Variants in SH3PXD2B observed in about 807,000 individuals in gnomAD.
SH3PXD2B encodes SH3 and PX domain-containing protein 2B.
A neutral mutation model predicts 73.1 loss-of-function variants in SH3PXD2B; 37 were observed. The ratio of observed to expected loss-of-function variants is 0.51; its 90% CI spans 0.39 to 0.67. The LOEUF is 0.67. SH3PXD2B is among the 30% of genes least tolerant of loss of function. SH3PXD2B has a pLI of 0.00. For missense variants in SH3PXD2B, 1,053 were observed against 1,197.8 expected (o/e 0.88, Z 1.78); for synonymous variants, 457 against 480.5 (o/e 0.95, Z 0.64).
At chr5:172,407,019 A>G (rs1415682919) in intron 2 of SH3PXD2B, among the ~76,000 whole-genome samples, 1 of 152,190 alleles carries the variant, frequency 6.6e-6, no homozygotes, top group African/African-American at 2.4e-5. Flanking sequence ...TATCTCTGAA[A>G]GCTTCAGGGA....
chr5:172,394,678 C>G, intron 3 of SH3PXD2B, 39 bp from the exon 4 acceptor site: 1 of 1,607,702 alleles, frequency 6.2e-7, no homozygotes, highest in Non-Finnish European at 8.5e-7. Context: ...TGTCAGGGAA[C>G]AGGGACAAGC....
intron 1 of SH3PXD2B, among the ~76,000 whole-genome samples, chr5:172,437,309 C>T (rs981560054): frequency 1.3e-5 from 2 of 152,150 alleles, no homozygotes; most frequent in African/African-American, 4.8e-5. Flanking sequence ...AGCTTTGTGT[C>T]CAACATCTGG....
intron 3 of SH3PXD2B, 84 bp from the exon 4 acceptor site, chr5:172,394,723 T>G: frequency 4.3e-4 from 628 of 1,459,668 alleles, no homozygotes; most frequent in Non-Finnish European, 5.6e-4. Context: ...ACATGGCGGT[T>G]CCTAGGGTAG....
chr5:172,358,722 G>A (rs769795386), intron 8 of SH3PXD2B, 51 bp downstream of exon 8: 23 of 1,527,920 alleles, frequency 1.5e-5, no homozygotes, highest in Admixed American at 1.8e-5. Flanking sequence ...CAGTATAGGC[G>A]ATGACTGCAC....
intron 4 of SH3PXD2B, among the ~76,000 whole-genome samples, chr5:172,384,771 G>T (rs1247922408): frequency 6.6e-6 from 1 of 152,170 alleles, no homozygotes; most frequent in Non-Finnish European, 1.5e-5. Context: ...GGACACTTGG[G>T]TTGCCAACCC....
Position 172,339,896 on chromosome 5 carries a change from A to G in SH3PXD2B, c.1209T>C (p.Ser403=), listed in dbSNP as rs1756814904. ...LKVEVIEKNL[S]GWWYIQIEDK... is the part of the protein sequence containing the mutation. ...CTTCAATCTGAATGTACCACCAGCC[A>G]CTCAAGTTTTTCTCGATCACCTGCA... The change falls in exon 13 of 13, where the codon AGT becomes AGC. Residue 403 remains serine (S), a synonymous_variant. Transcript: ENST00000311601. The surrounding 1 kb of genome is among the most constrained non-coding windows in gnomAD (Gnocchi z 6.1). 2 of 1,614,142 alleles carry G rather than the reference A, an allele frequency of 1.2e-6. No individual in the cohort carries two copies. The highest frequency in any genetic ancestry group is 2.2e-5 in the South Asian group (2 of 91,078).
intron 3 of SH3PXD2B, among the ~76,000 whole-genome samples, chr5:172,399,900 T>C (rs1473683165): frequency 6.6e-6 from 1 of 151,538 alleles, no homozygotes; most frequent in Non-Finnish European, 1.5e-5. Flanking sequence ...CCTGGATAGA[T>C]GTTCCTGCAG....
At chr5:172,390,135 A>G (rs1328759612) in intron 4 of SH3PXD2B, among the ~76,000 whole-genome samples, 4 of 152,220 alleles carry the variant, frequency 2.6e-5, no homozygotes, top group African/African-American at 9.6e-5. Flanking sequence ...AATCACCACA[A>G]TCTAGTTTCA....
intron 1 of SH3PXD2B, among the ~76,000 whole-genome samples, chr5:172,441,377 G>A (rs918040244): frequency 2.6e-5 from 4 of 152,228 alleles, no homozygotes; most frequent in African/African-American, 9.6e-5. Context: ...GGGCCAGCAG[G>A]GCGTTATCAC....
chr5:172,383,261 C>T (rs1416291831), intron 4 of SH3PXD2B, among the ~76,000 whole-genome samples: 2 of 152,196 alleles, frequency 1.3e-5, no homozygotes, highest in African/African-American at 4.8e-5. Context: ...TGAAACAGAT[C>T]TTCCACTGGC....
rs1581267555 is a variant in SH3PXD2B at position 172,350,739 on chromosome 5, T to C, written c.786-150A>G. 1.9e-5 allele frequency: 14 copies of C among 750,524 alleles called. No homozygotes were observed. The East Asian group carries it at 3.5e-4, about 19-fold the overall frequency. 46.5% of individuals were successfully genotyped at this position (750,524 alleles called of 1,614,324 possible). On this transcript the variant is annotated intron_variant, in intron 9 of 12. Transcript: ENST00000311601. ...GCAAGAGGTTGGCACACACTGTGCA[T>C]TTCCTCTTGATGATGCCTAAGCCCT...
rs531574512 is a variant in SH3PXD2B, at chr5:172,337,496, G to C, written c.*873C>G. Reference sequence around the variant, plus strand: ...AAGTACAGTGTTTGGCACCCACGAGGCACTCAGCAAAGGGGTGCTCACAAG... The same window carrying C: ...AAGTACAGTGTTTGGCACCCACGAGCCACTCAGCAAAGGGGTGCTCACAAG... On this transcript the variant is annotated 3_prime_UTR_variant, in exon 13 of 13. Coordinates refer to ENST00000311601, the MANE Select transcript of SH3PXD2B (RefSeq NM_001017995.3). 4.0e-5 allele frequency: 39 copies of C among 985,454 alleles called. No individual in the cohort carries two copies. In the South Asian group the frequency reaches 1.5e-3, roughly 38 times the overall value. 61.0% of individuals were successfully genotyped at this position (985,454 alleles called of 1,614,324 possible).
At chr5:172,391,427 GA>G (rs2113392784) in intron 4 of SH3PXD2B, among the ~76,000 whole-genome samples, 1 of 152,148 alleles carries the variant, frequency 6.6e-6, no homozygotes, top group African/African-American at 2.4e-5. Context: ...TCAGATATAT[GA>G]TTAACAAATA....
intron 6 of SH3PXD2B, among the ~76,000 whole-genome samples, chr5:172,363,960 T>C (rs1443552596): frequency 2.6e-5 from 4 of 151,894 alleles, no homozygotes; most frequent in Non-Finnish European, 5.9e-5. Flanking sequence ...CTGGTAGACA[T>C]GAAGATGTCA....
rs1262636786 is a variant in SH3PXD2B at position 172,366,932 on chromosome 5, A to ATTT, written c.428-4066_428-4064dup. 1.1e-3 allele frequency among the ~76,000 whole-genome samples: 81 copies of ATTT among 75,074 alleles called. 2 individuals are homozygous for ATTT. Among genetic ancestry groups the ATTT allele is most frequent in the African/African-American group, 3.6e-3 (70 of 19,524 alleles). The allele number at this position is 75,074 out of a possible 152,430, so 49.3% of individuals were successfully genotyped here. ...TAGGTGTGAGCCATCGTGCCCGGCC[A>ATTT]TTTTTTTTTTTTTTTTTTTTTGGGG... On this transcript the variant is annotated intron_variant, in intron 6 of 12. Transcript: ENST00000311601.
chr5:172,374,600 T>C (rs1407913850), intron 5 of SH3PXD2B, among the ~76,000 whole-genome samples: 1 of 152,158 alleles, frequency 6.6e-6, no homozygotes, highest in Non-Finnish European at 1.5e-5. Context: ...GAGAATCAAT[T>C]GAACCTGGGA....
chr5:172,326,090 G>A (rs773963915), intron 12 of SH3PXD2B, among the ~76,000 whole-genome samples: 3 of 152,094 alleles, frequency 2.0e-5, no homozygotes, highest in Admixed American at 6.6e-5. Flanking sequence ...CCTGGCTGGC[G>A]GCCCTGCCTC....
At chr5:172,449,862 G>A (rs1235539977) in intron 1 of SH3PXD2B, among the ~76,000 whole-genome samples, 2 of 152,110 alleles carry the variant, frequency 1.3e-5, no homozygotes, top group African/African-American at 2.4e-5. Flanking sequence ...AACAGTTCCC[G>A]GCACGAGCTT....
At chr5:172,452,915 A>G (rs1036955976) in intron 1 of SH3PXD2B, among the ~76,000 whole-genome samples, 1 of 152,248 alleles carries the variant, frequency 6.6e-6, no homozygotes. Flanking sequence ...ACTTCACTCT[A>G]TATAAAGATG....
Sources: gnomAD v4.1 joint callset for allele counts (sites outside exome capture counted in the v4.1 genomes callset) on GRCh38, gnomAD v4.1.1 for gene constraint, Gnocchi (gnomAD v3.1) non-coding constraint, MANE v1.5 for transcripts, NCBI Gene and HGNC (gene_info 2026-07-23, HGNC 2026-07-21) for gene names.